The following BTBD9 variants were observed in gnomAD, a reference collection of about 807,000 sequenced individuals.
The protein encoded by BTBD9 is BTB/POZ domain-containing protein 9.
Under a neutral mutation model 64.3 loss-of-function variants are expected in BTBD9, and 49 were observed. The observed-to-expected ratio is 0.76, with a 90% CI of 0.61 to 0.97. The LOEUF (loss-of-function observed/expected upper bound fraction) is 0.97. BTBD9 is among the 50% of genes least tolerant of loss of function. BTBD9 has a pLI of 0.00. For missense variants in BTBD9, 598 were observed against 762.1 expected, an observed-to-expected ratio of 0.78 and a Z score of 2.53; for synonymous variants, 260 against 274.7, an observed-to-expected ratio of 0.95 and a Z score of 0.53.
intron 8 of BTBD9, 127 bp downstream of exon 8, chr6:38,288,145 T>G (rs576313554): frequency 1.9e-6 from 2 of 1,040,902 alleles, no homozygotes; most frequent in Admixed American, 2.6e-5. Context: ...CACTCCTTTC[T>G]TGATACTTAG....
At chr6:38,394,461 T>C (rs1249715683) in intron 6 of BTBD9, among the ~76,000 whole-genome samples, 2 of 152,110 alleles carry the variant, frequency 1.3e-5, no homozygotes, top group African/African-American at 2.4e-5. Flanking sequence ...TATGTAGCAA[T>C]ATCCAGAGAC....
intron 8 of BTBD9, among the ~76,000 whole-genome samples, chr6:38,273,542 C>T (rs1301985810): frequency 1.3e-5 from 2 of 152,148 alleles, no homozygotes; most frequent in African/African-American, 2.4e-5. Context: ...TTGTTTACTT[C>T]TGGAATTTTC....
chr6:38,545,778 C>CAAA (rs1224870392), intron 6 of BTBD9, among the ~76,000 whole-genome samples: 1 of 68,886 alleles, frequency 1.5e-5, no homozygotes, highest in African/African-American at 6.1e-5. Context: ...GACTCCGTCT[C>CAAA]AAAAAAAAAA....
intron 1 of BTBD9, among the ~76,000 whole-genome samples, chr6:38,625,103 T>C (rs1395009771): frequency 1.3e-5 from 2 of 150,222 alleles, no homozygotes; most frequent in Admixed American, 6.6e-5. Context: ...ATTCTCACAA[T>C]TAAGTAGACC....
At chr6:38,359,063 G>A (rs189797428) in intron 6 of BTBD9, among the ~76,000 whole-genome samples, 8 of 152,080 alleles carry the variant, frequency 5.3e-5, no homozygotes, top group African/African-American at 1.9e-4. Flanking sequence ...GAGCCACCGC[G>A]CCCGGCCGGA....
At chr6:38,605,077 T>C (rs1045499454) in intron 1 of BTBD9, among the ~76,000 whole-genome samples, 1 of 151,946 alleles carries the variant, frequency 6.6e-6, no homozygotes. Context: ...AAGGCAATCT[T>C]GCTCTGTCAC....
At chr6:38,621,855 C>A (rs138690852) in intron 1 of BTBD9, among the ~76,000 whole-genome samples, 25 of 152,166 alleles carry the variant, frequency 1.6e-4, no homozygotes, top group Non-Finnish European at 3.2e-4. Context: ...TGCTGCCAGG[C>A]GGAACCTCCC....
At chr6:38,303,172 T>C (rs780430437) in intron 7 of BTBD9, among the ~76,000 whole-genome samples, 18 of 152,206 alleles carry the variant, frequency 1.2e-4, no homozygotes, top group Admixed American at 1.1e-3. Context: ...ATAATTGCTA[T>C]TGCTGCCTAT....
chr6:38,320,402 C>T (rs1020418120), intron 7 of BTBD9, among the ~76,000 whole-genome samples: 12 of 152,266 alleles, frequency 7.9e-5, no homozygotes, highest in African/African-American at 2.2e-4. Context: ...TAAATATTTT[C>T]GTATCTGCCT....
At chr6:38,511,867 G>A (rs1772790837) in intron 6 of BTBD9, among the ~76,000 whole-genome samples, 1 of 152,194 alleles carries the variant, frequency 6.6e-6, no homozygotes, top group Non-Finnish European at 1.5e-5. Flanking sequence ...CTTAACCTTA[G>A]ATGTGTACAT....
At chr6:38,328,968 A>G (rs867860814) in intron 7 of BTBD9, among the ~76,000 whole-genome samples, 5 of 127,376 alleles carry the variant, frequency 3.9e-5, no homozygotes, top group African/African-American at 6.0e-5. Context: ...GAAAGAAAAT[A>G]TGTGTGTGTG....
chr6:38,588,087 C>T (rs1352723464), intron 4 of BTBD9: 4 of 731,628 alleles, frequency 5.5e-6, no homozygotes, highest in South Asian at 1.5e-5. Context: ...CAGCAACAGG[C>T]TAGCTATGGT....
At chr6:38,192,488 C>A (rs1394624234) in intron 10 of BTBD9, 31 bp downstream of exon 10, 1 of 1,583,420 alleles carries the variant, frequency 6.3e-7, no homozygotes. Flanking sequence ...CATGAAATCT[C>A]ATGGCACCTC....
At chr6:38,291,226 A>G (rs536203293) in intron 7 of BTBD9, among the ~76,000 whole-genome samples, 47 of 152,268 alleles carry the variant, frequency 3.1e-4, no homozygotes, top group African/African-American at 1.1e-3. Flanking sequence ...TGTCAGTTGG[A>G]TTCCTAGGTA....
intron 6 of BTBD9, among the ~76,000 whole-genome samples, chr6:38,429,435 A>T (rs1768338415): frequency 6.7e-6 from 1 of 149,966 alleles, no homozygotes; most frequent in African/African-American, 2.5e-5. Flanking sequence ...AGCCTGGGTG[A>T]CAAGAGCAAG....
rs1217899727 is a variant in BTBD9, at chr6:38,374,292, T to TATATAC, written c.1155-29200_1155-29199insGTATAT. ...TCGAAAAAAAAAAAAAGTATATATA[T>TATATAC]ATATGTATATATATGTATATATATA... On this transcript the variant is annotated intron_variant, in intron 6 of 10. Transcript: ENST00000481247. 9.6e-3 allele frequency among the ~76,000 whole-genome samples: 741 copies of TATATAC among 77,408 alleles called. 75 individuals carry two copies. The highest frequency in any genetic ancestry group is 0.034 in the East Asian group (65 of 1,918). The allele number at this position is 77,408 out of a possible 152,430, so 50.8% of individuals were successfully genotyped here.
chr6:38,595,473 T>A (rs781102938), intron 2 of BTBD9, among the ~76,000 whole-genome samples: 21 of 152,062 alleles, frequency 1.4e-4, no homozygotes, highest in Non-Finnish European at 2.6e-4. Context: ...AGAGGAATAA[T>A]ATGAACCAAT....
chr6:38,491,185 T>C (rs1402264842), intron 6 of BTBD9, among the ~76,000 whole-genome samples: 1 of 152,200 alleles, frequency 6.6e-6, no homozygotes. Flanking sequence ...TCAAGACAGT[T>C]TGGCAGGTTT....
At chr6:38,541,593 C>A (rs970505709) in intron 6 of BTBD9, among the ~76,000 whole-genome samples, 1 of 152,152 alleles carries the variant, frequency 6.6e-6, no homozygotes, top group Non-Finnish European at 1.5e-5. Context: ...AAAAAATTAG[C>A]CGGGCATGGT....
Sources: gnomAD v4.1 joint callset for allele counts (sites outside exome capture counted in the v4.1 genomes callset) on GRCh38, gnomAD v4.1.1 for gene constraint, MANE v1.5 for transcripts, NCBI Gene and HGNC (gene_info 2026-07-23, HGNC 2026-07-21) for gene names.